The following MEI4 variants were observed in gnomAD, a reference collection of about 807,000 sequenced individuals.
MEI4 encodes the protein meiotic double-stranded break formation protein 4.
A neutral mutation model predicts 31.4 loss-of-function variants in MEI4; 27 were observed. That is an observed-to-expected ratio of 0.86 (90% CI 0.63 to 1.19). MEI4 has a LOEUF of 1.19. Among genes scored for constraint, MEI4 ranks in the 50% most tolerant of loss-of-function variants. MEI4 has a pLI of 0.00. For missense variants in MEI4, 329 were observed against 398.9 expected, an observed-to-expected ratio of 0.82 and a Z score of 1.49; for synonymous variants, 122 against 145.4, an observed-to-expected ratio of 0.84 and a Z score of 1.16.
chr6:77,853,333 C>G (rs1770675589), intron 4 of MEI4, among the ~76,000 whole-genome samples: 1 of 152,132 alleles, frequency 6.6e-6, no homozygotes, highest in Non-Finnish European at 1.5e-5. Flanking sequence ...TAATCTAGAC[C>G]AATCCTTGCA....
intron 3 of MEI4, among the ~76,000 whole-genome samples, chr6:77,811,769 G>A (rs563619013): frequency 2.3e-4 from 30 of 128,682 alleles, no homozygotes; most frequent in Middle Eastern, 3.9e-3. Context: ...GTGAAACTCC[G>A]TCTCAAAAAA....
intron 3 of MEI4, among the ~76,000 whole-genome samples, chr6:77,779,387 T>C (rs918907591): frequency 3.3e-5 from 5 of 152,206 alleles, no homozygotes; most frequent in African/African-American, 1.2e-4. Context: ...AACCAGATAA[T>C]TTAGTACCCT....
intron 4 of MEI4, among the ~76,000 whole-genome samples, chr6:77,834,663 T>G (rs998951992): frequency 1.3e-5 from 2 of 151,938 alleles, no homozygotes; most frequent in Non-Finnish European, 1.5e-5. Flanking sequence ...CAGTTGCCAC[T>G]GGGCCCCGAT....
At chr6:77,871,792 A>G (rs1393052856) in intron 4 of MEI4, among the ~76,000 whole-genome samples, 1 of 152,190 alleles carries the variant, frequency 6.6e-6, no homozygotes, top group African/African-American at 2.4e-5. Context: ...TTGGAACTAC[A>G]CAGAAAGGGG....
At chr6:77,881,656 C>T (rs1249349279) in intron 4 of MEI4, among the ~76,000 whole-genome samples, 2 of 152,046 alleles carry the variant, frequency 1.3e-5, no homozygotes, top group African/African-American at 4.8e-5. Flanking sequence ...TTCCTCACAC[C>T]TTTGATGCTT....
At chr6:77,849,214 AT>A (rs1770557517) in intron 4 of MEI4, among the ~76,000 whole-genome samples, 1 of 152,190 alleles carries the variant, frequency 6.6e-6, no homozygotes, top group Non-Finnish European at 1.5e-5. Context: ...ATATATTCAG[AT>A]TTATAAATAG....
At chr6:77,873,203 G>T (rs1176595265) in intron 4 of MEI4, among the ~76,000 whole-genome samples, 1 of 152,170 alleles carries the variant, frequency 6.6e-6, no homozygotes, top group Non-Finnish European at 1.5e-5. Flanking sequence ...GGTTGAACTA[G>T]TTTACAGTCC....
intron 3 of MEI4, among the ~76,000 whole-genome samples, chr6:77,790,185 C>T (rs1768878530): frequency 6.9e-6 from 1 of 144,932 alleles, no homozygotes; most frequent in South Asian, 2.2e-4. Flanking sequence ...TTCTCACTCA[C>T]AGGTGGGAAT....
chr6:77,922,026 G>C (rs1041524353), intron 4 of MEI4, among the ~76,000 whole-genome samples: 4 of 151,786 alleles, frequency 2.6e-5, no homozygotes, highest in Admixed American at 1.3e-4. Flanking sequence ...TTTGATGCAG[G>C]GTTGCCACAA....
At chr6:77,712,044 C>T (rs1370403253) in intron 2 of MEI4, among the ~76,000 whole-genome samples, 1 of 152,132 alleles carries the variant, frequency 6.6e-6, no homozygotes, top group Non-Finnish European at 1.5e-5. Context: ...TTGTAGATGA[C>T]TTCTTATATA....
intron 3 of MEI4, among the ~76,000 whole-genome samples, chr6:77,768,225 A>G (rs1768222613): frequency 1.3e-5 from 2 of 152,096 alleles, no homozygotes; most frequent in Admixed American, 6.6e-5. Flanking sequence ...TCCATCACTA[A>G]TTTTTACAGT....
At chr6:77,907,311 C>T (rs1054017380) in intron 4 of MEI4, among the ~76,000 whole-genome samples, 10 of 152,034 alleles carry the variant, frequency 6.6e-5, no homozygotes, top group South Asian at 2.1e-4. Flanking sequence ...CAACAGGACC[C>T]GGTGTGTGAT....
At chr6:77,903,534 T>C (rs1487078182) in intron 4 of MEI4, among the ~76,000 whole-genome samples, 1 of 152,248 alleles carries the variant, frequency 6.6e-6, no homozygotes, top group African/African-American at 2.4e-5. Flanking sequence ...TTTATTCAAA[T>C]GTAATCCCAT....
chr6:77,817,482 G>A (rs533384823), intron 3 of MEI4, among the ~76,000 whole-genome samples: 17 of 152,114 alleles, frequency 1.1e-4, no homozygotes, highest in South Asian at 6.2e-4. Context: ...TAGTTGGGTC[G>A]TCTCTGAACT....
chr6:77,681,266 A>G (rs374292644), intron 1 of MEI4, among the ~76,000 whole-genome samples: 122 of 152,288 alleles, frequency 8.0e-4, no homozygotes, highest in African/African-American at 2.7e-3. Flanking sequence ...CAGGGTATAT[A>G]TAGCCTTATA....
At chr6:77,796,480 A>T (rs9343663) in intron 3 of MEI4, among the ~76,000 whole-genome samples, 1 of 152,086 alleles carries the variant, frequency 6.6e-6, no homozygotes, top group Non-Finnish European at 1.5e-5. Context: ...TGCCATCAAA[A>T]AACTGTTAGA....
At chr6:77,881,505 A>C (rs1412819738) in intron 4 of MEI4, among the ~76,000 whole-genome samples, 7 of 152,248 alleles carry the variant, frequency 4.6e-5, no homozygotes, top group Admixed American at 3.9e-4. Context: ...AATTTGTAGA[A>C]ACCATGCATA....
At chr6:77,861,839 C>G (rs1770873639) in intron 4 of MEI4, among the ~76,000 whole-genome samples, 1 of 152,124 alleles carries the variant, frequency 6.6e-6, no homozygotes, top group Admixed American at 6.6e-5. Context: ...GTAAATACTT[C>G]ATGATAGTTC....
intron 1 of MEI4, among the ~76,000 whole-genome samples, chr6:77,688,519 A>G (rs1769099978): frequency 6.6e-6 from 1 of 152,172 alleles, no homozygotes; most frequent in Non-Finnish European, 1.5e-5. Context: ...TTAACAAATC[A>G]TATGCAACAA....
Sources: allele counts gnomAD v4.1 joint callset (sites outside exome capture counted in the v4.1 genomes callset), GRCh38; gene constraint gnomAD v4.1.1; transcripts MANE v1.5; gene names NCBI Gene and HGNC (gene_info 2026-07-23, HGNC 2026-07-21).